SCNN1B: variants seen among roughly 807,000 people sequenced by gnomAD.
SCNN1B encodes epithelial sodium channel subunit beta.
In SCNN1B, 46 loss-of-function variants were observed where a neutral mutation model predicts 65.3. The ratio of observed to expected loss-of-function variants is 0.70; its 90% CI spans 0.56 to 0.90. The LOEUF is 0.90. Ranked by LOEUF, SCNN1B falls within the 40% of genes least tolerant of loss-of-function variation. SCNN1B has a pLI of 0.00. For synonymous variants in SCNN1B, 349 were observed against 330.6 expected, an observed-to-expected ratio of 1.06 and a Z score of -0.60; for missense variants, 751 against 830.5, an observed-to-expected ratio of 0.90 and a Z score of 1.18.
chr16:23,319,954 T>C (rs568085010), intron 1 of SCNN1B, among the ~76,000 whole-genome samples: 16 of 152,164 alleles, frequency 1.1e-4, no homozygotes, highest in African/African-American at 3.9e-4. Context: ...TTTTTTGTAG[T>C]GACGGGTGTC....
intron 10 of SCNN1B, among the ~76,000 whole-genome samples, chr16:23,377,798 C>T (rs1213511716): frequency 7.5e-6 from 1 of 133,842 alleles, no homozygotes; most frequent in African/African-American, 2.8e-5. Flanking sequence ...TCCTTCTTTC[C>T]TTCCTTCCTT....
chr16:23,307,178 T>G (rs2141981784), intron 1 of SCNN1B, among the ~76,000 whole-genome samples: 1 of 152,146 alleles, frequency 6.6e-6, no homozygotes, highest in South Asian at 2.1e-4. Flanking sequence ...AAAAACCCAC[T>G]CTACAGGTGT....
intron 1 of SCNN1B, among the ~76,000 whole-genome samples, chr16:23,343,649 A>AAG (rs2142011969): frequency 8.3e-6 from 1 of 119,958 alleles, no homozygotes; most frequent in South Asian, 2.8e-4. Context: ...GAAAGAAAGA[A>AAG]AAAAAGAAAG....
At chr16:23,309,946 T>G (rs1440904330) in intron 1 of SCNN1B, among the ~76,000 whole-genome samples, 2 of 152,068 alleles carry the variant, frequency 1.3e-5, no homozygotes, top group African/African-American at 2.4e-5. Flanking sequence ...TCCTAGGCAG[T>G]GGGGAATGAT....
chr16:23,378,770 G>A lies in SCNN1B; in HGVS notation c.1466+3G>A, dbSNP rs1490434280. On this transcript the variant is annotated splice_donor_region_variant and intron_variant, in intron 11 of 12. Coordinates refer to ENST00000343070, the MANE Select transcript of SCNN1B (RefSeq NM_000336.3). ...AGCACCAATATCACCCTGAGCAGGTGAGCCTGAGCCTGGGCGGGGCTGGGG... is the reference window on the plus strand; with the variant it reads ...AGCACCAATATCACCCTGAGCAGGTAAGCCTGAGCCTGGGCGGGGCTGGGG... 1.9e-6 allele frequency: 3 copies of A among 1,614,046 alleles called. No homozygotes were observed. Among genetic ancestry groups the A allele is most frequent in the Non-Finnish European group, 2.5e-6 (3 of 1,179,924 alleles).
intron 2 of SCNN1B, 141 bp from the exon 3 acceptor site, chr16:23,352,660 T>C (rs1306520136): frequency 1.1e-6 from 1 of 934,830 alleles, no homozygotes; most frequent in African/African-American, 1.6e-5. Context: ...TTATACCTCT[T>C]CTGTTTATAA....
intron 1 of SCNN1B, among the ~76,000 whole-genome samples, chr16:23,330,754 C>A (rs1489225779): frequency 2.0e-5 from 3 of 152,052 alleles, no homozygotes; most frequent in Non-Finnish European, 4.4e-5. Context: ...TAAATTTTTT[C>A]TAGAAATGGG....
chr16:23,301,366 A>AAAAAAAAAAAAAAAAG, upstream of SCNN1B, among the ~76,000 whole-genome samples: 1 of 146,846 alleles, frequency 6.8e-6, no homozygotes. Context: ...TGTCAAAAAA[A>AAAAAAAAAAAAAAAAG]AAAGAAAGAA....
chr16:23,337,952 G>C (rs765730443), intron 1 of SCNN1B, among the ~76,000 whole-genome samples: 1 of 152,076 alleles, frequency 6.6e-6, no homozygotes, highest in Non-Finnish European at 1.5e-5. Flanking sequence ...CGCACCTGTA[G>C]TCCCAGCTAC....
At position 23,365,601 on chromosome 16, in the gene SCNN1B, GAA is replaced by G. The variant is rs368490312; in HGVS notation, c.777-2253_777-2252del. Reference sequence around the variant, plus strand: ...AAAGAAAGAAAGAGAAAGAAAGAAAGAAAGAAAGAAAGAAAGAAAAAAGAAAG... The same window carrying G: ...AAAGAAAGAAAGAGAAAGAAAGAAAGAGAAAGAAAGAAAGAAAAAAGAAAG... On this transcript the variant is annotated intron_variant, in intron 4 of 12. Coordinates refer to ENST00000343070, the MANE Select transcript of SCNN1B (RefSeq NM_000336.3). Among the ~76,000 whole-genome samples, 320 of 100,750 alleles carry G rather than the reference GAA, an allele frequency of 3.2e-3. 1 individual carries two copies. The highest frequency in any genetic ancestry group is 8.7e-3 in the East Asian group (25 of 2,858). The allele number at this position is 100,750 out of a possible 152,430, so 66.1% of individuals were successfully genotyped here. A position where few individuals can be genotyped will look rare whatever the true frequency, so the allele number is the denominator to read the frequency against.
In SCNN1B at chr16:23,346,200, C is replaced by CTTTTTTTTTTTTTTTTTT. The variant is rs753802362; in HGVS notation, c.-8-2380_-8-2363dup. Among the ~76,000 whole-genome samples the CTTTTTTTTTTTTTTTTTT allele has an allele frequency of 2.9e-3, 223 of 78,006 alleles. 30 individuals carry two copies. The highest frequency in any genetic ancestry group is 4.6e-3 in the African/African-American group (72 of 15,732). 51.2% of individuals were successfully genotyped at this position (78,006 alleles called of 152,430 possible). ...CCATGGAACACCCTTTTTTCCTTTT[C>CTTTTTTTTTTTTTTTTTT]TTTTTTTTTTTTTTTTTTTTTTTTT... On this transcript the variant is annotated intron_variant, in intron 1 of 12. Coordinates refer to ENST00000343070, the MANE Select transcript of SCNN1B (RefSeq NM_000336.3).
At position 23,343,475 on chromosome 16, in the gene SCNN1B, A is replaced by AAAGGAAGGAAGGAAGGAAGG. The variant is rs569501062; in HGVS notation, c.-8-5102_-8-5083dup. 1.6e-3 allele frequency among the ~76,000 whole-genome samples: 179 copies of AAAGGAAGGAAGGAAGGAAGG among 113,128 alleles called. 26 individuals carry two copies. The highest frequency in any genetic ancestry group is 9.4e-3 in the African/African-American group (171 of 18,166). 74.2% of individuals were successfully genotyped at this position (113,128 alleles called of 152,430 possible). ...CAAAAATAAAAAAAGGAAAAGAAAG[A>AAAGGAAGGAAGGAAGGAAGG]AAGGAAGGAAGGAAGGAAGGAAGGA... On this transcript the variant is annotated intron_variant, in intron 1 of 12. Transcript: ENST00000343070.
intron 3 of SCNN1B, 44 bp from the exon 4 acceptor site, chr16:23,355,255 G>A: frequency 6.2e-7 from 1 of 1,600,068 alleles, no homozygotes; most frequent in Non-Finnish European, 8.6e-7. Context: ...GGTCCTGCTA[G>A]CAGCTCCCAC....
At chr16:23,299,734 C>G (rs1196658612), upstream of SCNN1B, among the ~76,000 whole-genome samples, 1 of 152,224 alleles carries the variant, frequency 6.6e-6, no homozygotes, top group African/African-American at 2.4e-5. Flanking sequence ...CGCTTTTACA[C>G]TGTTGGTTGG....
At chr16:23,310,074 G>A (rs1961308559) in intron 1 of SCNN1B, among the ~76,000 whole-genome samples, 1 of 152,048 alleles carries the variant, frequency 6.6e-6, no homozygotes, top group South Asian at 2.1e-4. Flanking sequence ...CCTCTTTGAA[G>A]CACTGATTAA....
chr16:23,373,298 T>A (rs1962823562), intron 7 of SCNN1B, among the ~76,000 whole-genome samples: 2 of 152,106 alleles, frequency 1.3e-5, no homozygotes, highest in Non-Finnish European at 2.9e-5. Flanking sequence ...TCTTAATTTT[T>A]AAAATTTTTT....
chr16:23,312,544 G>T (rs1961367352), intron 1 of SCNN1B, among the ~76,000 whole-genome samples: 1 of 152,144 alleles, frequency 6.6e-6, no homozygotes, highest in African/African-American at 2.4e-5. Context: ...CCTCCAAATG[G>T]CTGCTATGCT....
intron 1 of SCNN1B, among the ~76,000 whole-genome samples, chr16:23,330,635 C>T (rs1342872180): frequency 2.6e-5 from 4 of 152,064 alleles, no homozygotes; most frequent in African/African-American, 7.2e-5. Context: ...TGCAGTGGCG[C>T]GATCATAGTT....
At chr16:23,282,559 T>TA (rs1222564780) in intron 1 of SCNN1B, among the ~76,000 whole-genome samples, 1 of 152,168 alleles carries the variant, frequency 6.6e-6, no homozygotes, top group African/African-American at 2.4e-5. Flanking sequence ...GAGTTGAAAA[T>TA]ATCTTAATTG....
Sources: gnomAD v4.1 joint callset for allele counts (sites outside exome capture counted in the v4.1 genomes callset) on GRCh38, gnomAD v4.1.1 for gene constraint, MANE v1.5 for transcripts, NCBI Gene and HGNC (gene_info 2026-07-23, HGNC 2026-07-21) for gene names.